The following XKR9 variants were observed in gnomAD, a reference collection of about 807,000 sequenced individuals.
The protein encoded by XKR9 is XK related 9.
A neutral mutation model predicts 32.0 loss-of-function variants in XKR9; 32 were observed. That is an observed-to-expected ratio of 1.00 (90% CI 0.76 to 1.34). The LOEUF (loss-of-function observed/expected upper bound fraction) is 1.34. Among genes scored for constraint, XKR9 ranks in the 40% most tolerant of loss-of-function variants. The pLI is 0.00. For synonymous variants in XKR9, 168 were observed against 143.4 expected (o/e 1.17, Z -1.22); for missense variants, 546 against 429.7 (o/e 1.27, Z -2.39).
At chr8:70,884,107 T>TA in the XKR9 span, among the ~76,000 whole-genome samples, 3 of 152,118 alleles carry the variant, frequency 2.0e-5, no homozygotes, top group African/African-American at 4.8e-5. Context: ...TATTTCATTT[T>TA]AAAAAAATTT....
exon 3 of XKR9, chr8:70,789,352 A>T (rs555879337): frequency 1.3e-5 from 2 of 152,206 alleles, no homozygotes; most frequent in South Asian, 4.1e-4. Flanking sequence ...GCTTTGAAAA[A>T]TTCAAAAGAA....
At chr8:70,949,086 G>A in the XKR9 span, among the ~76,000 whole-genome samples, 1 of 152,168 alleles carries the variant, frequency 6.6e-6, no homozygotes, top group East Asian at 1.9e-4. Flanking sequence ...GTATGGGCTG[G>A]GATGTCTCCT....
In XKR9 at chr8:70,687,242, T is replaced by C. The variant is rs375938144; in HGVS notation, c.272+5912T>C. On this transcript the variant is annotated intron_variant, in intron 3 of 4. Coordinates refer to ENST00000408926, the MANE Select transcript of XKR9 (RefSeq NM_001011720.2). ...CTGTGCCTGGCCTGGCTTTTTTCAC[T>C]TAACATAATGTTCTTCAGTTTCATC... Among the ~76,000 whole-genome samples, 24 of 152,350 alleles carry C rather than the reference T, an allele frequency of 1.6e-4. No individual in the cohort carries two copies. The East Asian group carries it at 1.7e-3, about 11-fold the overall frequency.
chr8:70,721,276 A>T (rs1319427608), intron 4 of XKR9, among the ~76,000 whole-genome samples: 2 of 151,928 alleles, frequency 1.3e-5, no homozygotes, highest in African/African-American at 2.4e-5. Context: ...GATTTTTTTG[A>T]ACGGTTTTTC....
the XKR9 span, among the ~76,000 whole-genome samples, chr8:70,857,221 C>T: frequency 3.4e-4 from 52 of 152,014 alleles, no homozygotes; most frequent in East Asian, 8.9e-3. Context: ...ATTGATAGAC[C>T]ACTAGCAAGA....
the XKR9 span, among the ~76,000 whole-genome samples, chr8:70,881,233 C>A: frequency 2.6e-5 from 4 of 151,938 alleles, no homozygotes; most frequent in Non-Finnish European, 5.9e-5. Context: ...ACTAAAACAC[C>A]AAAAGTAATG....
chr8:70,755,579 A>T (rs1204312316), intron 2 of XKR9, among the ~76,000 whole-genome samples: 2 of 152,170 alleles, frequency 1.3e-5, no homozygotes, highest in African/African-American at 4.8e-5. Context: ...CTATGCAGCC[A>T]TAAAAAATGA....
intron 2 of XKR9, among the ~76,000 whole-genome samples, chr8:70,751,418 C>T (rs1048763550): frequency 3.9e-5 from 6 of 152,114 alleles, no homozygotes; most frequent in Admixed American, 6.6e-5. Context: ...TGTGAGCCAC[C>T]GTGCCCGGCC....
chr8:70,977,303 G>C, the XKR9 span, among the ~76,000 whole-genome samples: 4 of 151,922 alleles, frequency 2.6e-5, no homozygotes, highest in Non-Finnish European at 4.4e-5. Flanking sequence ...GTTTGCTCTT[G>C]CTTCTCTAGT....
chr8:71,038,779 C>G, the XKR9 span, among the ~76,000 whole-genome samples: 1 of 136,842 alleles, frequency 7.3e-6, no homozygotes, highest in African/African-American at 2.7e-5. Flanking sequence ...AGTGAATGAA[C>G]AGATGTCCCT....
At chr8:70,990,297 G>A in the XKR9 span, among the ~76,000 whole-genome samples, 1 of 152,090 alleles carries the variant, frequency 6.6e-6, no homozygotes, top group African/African-American at 2.4e-5. Context: ...GAGATCTTAA[G>A]ATCTCTGATA....
chr8:70,878,674 A>G, the XKR9 span, among the ~76,000 whole-genome samples: 1 of 152,176 alleles, frequency 6.6e-6, no homozygotes, highest in Non-Finnish European at 1.5e-5. Context: ...AGAGACCTAC[A>G]AAGAGGCTTA....
chr8:70,938,498 T>C, the XKR9 span, among the ~76,000 whole-genome samples: 7 of 152,040 alleles, frequency 4.6e-5, no homozygotes, highest in African/African-American at 1.4e-4. Flanking sequence ...TTCTCTCATG[T>C]ATGTGCTCCC....
At chr8:70,777,480 G>T (rs941538983) in intron 2 of XKR9, among the ~76,000 whole-genome samples, 2 of 152,136 alleles carry the variant, frequency 1.3e-5, no homozygotes, top group Non-Finnish European at 2.9e-5. Flanking sequence ...CCAGTAATGG[G>T]ATTGCTGGGT....
At chr8:70,987,993 G>T in the XKR9 span, among the ~76,000 whole-genome samples, 3 of 152,144 alleles carry the variant, frequency 2.0e-5, no homozygotes, top group Non-Finnish European at 2.9e-5. Context: ...CTCTACGTTG[G>T]CCCCTTTCAG....
At chr8:70,817,283 G>A in the XKR9 span, among the ~76,000 whole-genome samples, 5 of 152,102 alleles carry the variant, frequency 3.3e-5, no homozygotes, top group Non-Finnish European at 7.4e-5. Context: ...AAAGTTCCAA[G>A]ATGCAAAATC....
chr8:70,974,145 A>AAATTTATAAATTTG, the XKR9 span, among the ~76,000 whole-genome samples: 1 of 151,436 alleles, frequency 6.6e-6, no homozygotes, highest in Non-Finnish European at 1.5e-5. Context: ...TGGGAGCTCC[A>AAATTTATAAATTTG]GTGTTAGGTG....
chr8:71,036,007 T>G, the XKR9 span, among the ~76,000 whole-genome samples: 442 of 152,312 alleles, frequency 2.9e-3, 2 homozygotes, highest in Middle Eastern at 0.02. Context: ...CATACTCTTT[T>G]GTCTTTTATT....
the XKR9 span, among the ~76,000 whole-genome samples, chr8:71,033,444 C>T: frequency 0.024 from 3,665 of 152,210 alleles, 145 homozygotes; most frequent in African/African-American, 0.083. Context: ...AATAGTAGTG[C>T]TCTCATCACT....
Sources: gnomAD v4.1 joint callset for allele counts (sites outside exome capture counted in the v4.1 genomes callset) on GRCh38, gnomAD v4.1.1 for gene constraint, MANE v1.5 for transcripts, NCBI Gene and HGNC (gene_info 2026-07-23, HGNC 2026-07-21) for gene names.